Variants in DHRSX observed in about 807,000 individuals in gnomAD.
DHRSX encodes the protein polyprenol dehydrogenase.
In DHRSX, 31 loss-of-function variants were observed where a neutral mutation model predicts 34.0. The observed-to-expected ratio is 0.91, with a 90% CI of 0.69 to 1.23. The LOEUF (loss-of-function observed/expected upper bound fraction) is 1.23, where lower values mean the gene tolerates loss of function less well. DHRSX is among the 50% of genes most tolerant of loss of function. The pLI is 0.00. For missense variants in DHRSX, 414 were observed against 428.1 expected (o/e 0.97, Z 0.29); for synonymous variants, 201 against 183.8 (o/e 1.09, Z -0.76).
chrX:2,290,456 T>C (rs1216140659), intron 4 of DHRSX, among the ~76,000 whole-genome samples: 1 of 152,208 alleles, frequency 6.6e-6, no homozygotes, highest in Non-Finnish European at 1.5e-5. Flanking sequence ...CAAGGGGTTT[T>C]GCAGAATTAA....
chrX:2,364,683 A>C (rs970949960), intron 3 of DHRSX, among the ~76,000 whole-genome samples: 9 of 151,792 alleles, frequency 5.9e-5, no homozygotes, highest in Non-Finnish European at 1.3e-4. Context: ...TCATCTACTT[A>C]TCTACCATCA....
intron 4 of DHRSX, among the ~76,000 whole-genome samples, chrX:2,282,915 A>G (rs2041745718): frequency 6.6e-6 from 1 of 150,948 alleles, no homozygotes; most frequent in Non-Finnish European, 1.5e-5. Context: ...TCGAGAGCAA[A>G]ATAGTAGAAG....
chrX:2,226,628 G>A (rs907346109), intron 6 of DHRSX, among the ~76,000 whole-genome samples: 6 of 151,988 alleles, frequency 3.9e-5, no homozygotes, highest in Non-Finnish European at 8.8e-5. Context: ...GTGAAACCCC[G>A]TCTCTACTAA....
intron 3 of DHRSX, among the ~76,000 whole-genome samples, chrX:2,355,788 TG>T (rs1283688997): frequency 6.6e-6 from 1 of 151,882 alleles, no homozygotes; most frequent in East Asian, 1.9e-4. Context: ...GAGACTCAGC[TG>T]GGTATGGTGG....
At chrX:2,360,258 A>G (rs1280274039) in intron 3 of DHRSX, among the ~76,000 whole-genome samples, 1 of 152,166 alleles carries the variant, frequency 6.6e-6, no homozygotes, top group Non-Finnish European at 1.5e-5. Flanking sequence ...CTCATTAAAC[A>G]TTTCGCAAGA....
chrX:2,384,109 C>T (rs923018370), intron 3 of DHRSX, among the ~76,000 whole-genome samples: 3 of 152,076 alleles, frequency 2.0e-5, no homozygotes, highest in Admixed American at 6.6e-5. Flanking sequence ...GGGAGTGATA[C>T]CGAAAATGAC....
At chrX:2,304,171 TGATG>T (rs1183236164) in intron 3 of DHRSX, among the ~76,000 whole-genome samples, 108 of 72,802 alleles carry the variant, frequency 1.5e-3, no homozygotes, top group South Asian at 0.014. Context: ...ATGGATGAAC[TGATG>T]GATGGATGGA....
chrX:2,384,907 T>C (rs1446276226), intron 3 of DHRSX, among the ~76,000 whole-genome samples: 1 of 143,992 alleles, frequency 6.9e-6, no homozygotes, highest in African/African-American at 2.6e-5. Context: ...ACTTAAAGTA[T>C]AATAATAAAA....
chrX:2,471,861 A>T (rs1367255844), intron 1 of DHRSX, among the ~76,000 whole-genome samples: 24 of 152,046 alleles, frequency 1.6e-4, no homozygotes. Flanking sequence ...AAAGAATGGG[A>T]TTGGTTGGGT....
At chrX:2,424,739 A>G (rs1252261509) in intron 2 of DHRSX, among the ~76,000 whole-genome samples, 1 of 152,218 alleles carries the variant, frequency 6.6e-6, no homozygotes. Flanking sequence ...TAGGTTGTGA[A>G]TATCACCTTC....
At chrX:2,285,157 A>G (rs2041789788) in intron 4 of DHRSX, among the ~76,000 whole-genome samples, 1 of 152,192 alleles carries the variant, frequency 6.6e-6, no homozygotes, top group Admixed American at 6.5e-5. Context: ...TTTTGGGATG[A>G]TTCCGGGGCA....
chrX:2,462,661 C>T lies in DHRSX; in HGVS notation c.110-37357G>A, dbSNP rs182605549. Among the ~76,000 whole-genome samples the T allele has an allele frequency of 2.5e-3, 384 of 152,200 alleles. 4 individuals are homozygous for T. The highest frequency in any genetic ancestry group is 8.5e-3 in the African/African-American group (355 of 41,528). On this transcript the variant is annotated intron_variant, in intron 1 of 6. Coordinates refer to ENST00000334651, the MANE Select transcript of DHRSX (RefSeq NM_145177.3). ...TGTCAGAAACAGGAAAGGTGGGCTT[C>T]CCCAGGTACTGCAAACCACCTATAT... is the stretch of plus-strand genomic sequence containing the variant.
In DHRSX at chrX:2,309,601, C is replaced by T. The variant is rs185612072; in HGVS notation, c.287-17998G>A. Among the ~76,000 whole-genome samples the T allele has an allele frequency of 1.8e-4, 28 of 152,254 alleles. No individual in the cohort carries two copies. The East Asian group carries it at 5.0e-3, about 27-fold the overall frequency. ...AATCAGATCTTAGTCAACCTTGTAA[C>T]CCAACTGGGCTAATTTGAAAATCAT... On this transcript the variant is annotated intron_variant, in intron 3 of 6. Coordinates refer to ENST00000334651, the MANE Select transcript of DHRSX (RefSeq NM_145177.3).
intron 1 of DHRSX, among the ~76,000 whole-genome samples, chrX:2,429,813 G>A (rs966589086): frequency 5.3e-5 from 8 of 151,954 alleles, no homozygotes; most frequent in African/African-American, 1.7e-4. Context: ...ACACAAGAAC[G>A]GCAGAGGGAG....
At chrX:2,249,613 TC>T (rs1419515694) in intron 5 of DHRSX, among the ~76,000 whole-genome samples, 8 of 126,014 alleles carry the variant, frequency 6.3e-5, no homozygotes, top group African/African-American at 2.3e-4. Flanking sequence ...GACCTCCACC[TC>T]CCGGGTTCAA....
At chrX:2,241,927 AAAC>A (rs2016150677) in intron 6 of DHRSX, among the ~76,000 whole-genome samples, 1 of 152,064 alleles carries the variant, frequency 6.6e-6, no homozygotes, top group African/African-American at 2.4e-5. Flanking sequence ...ACAAGCAAAC[AAAC>A]AACAATAACA....
chrX:2,371,582 C>T (rs2043070324), intron 3 of DHRSX, among the ~76,000 whole-genome samples: 1 of 150,790 alleles, frequency 6.6e-6, no homozygotes, highest in East Asian at 2.0e-4. Flanking sequence ...TACCATAGTA[C>T]CTCCTCCCAT....
At chrX:2,388,845 A>C (rs1438231976) in intron 3 of DHRSX, among the ~76,000 whole-genome samples, 1 of 151,720 alleles carries the variant, frequency 6.6e-6, no homozygotes, top group Admixed American at 6.6e-5. Flanking sequence ...CATCCAGCCT[A>C]TGGTATTCTG....
intron 4 of DHRSX, among the ~76,000 whole-genome samples, chrX:2,288,608 C>G (rs1174418566): frequency 6.6e-6 from 1 of 152,202 alleles, no homozygotes; most frequent in Non-Finnish European, 1.5e-5. Context: ...AGGAAATACT[C>G]TCCTCTAGAA....
Sources: gnomAD v4.1 joint callset for allele counts (sites outside exome capture counted in the v4.1 genomes callset) on GRCh38, gnomAD v4.1.1 for gene constraint, MANE v1.5 for transcripts, NCBI Gene and HGNC (gene_info 2026-07-23, HGNC 2026-07-21) for gene names.